Variants in PMM2 observed in about 807,000 individuals in gnomAD.
The protein encoded by PMM2 is mannose-6-phosphate isomerase.
Under a neutral mutation model 33.2 loss-of-function variants are expected in PMM2, and 35 were observed. The ratio of observed to expected loss-of-function variants is 1.06; its 90% CI spans 0.81 to 1.40. PMM2 has a LOEUF of 1.40. Ranked by LOEUF, PMM2 falls within the 40% of genes most tolerant of loss-of-function variation. The probability of loss-of-function intolerance (pLI) is 0.00; values close to 1 mark genes in which losing one functional copy is unlikely to be tolerated. For missense variants in PMM2, 386 were observed against 306.0 expected (o/e 1.26, Z -1.95); for synonymous variants, 153 against 114.7 (o/e 1.33, Z -2.13).
At chr16:8,806,694 A>G (rs1434755647) in intron 4 of PMM2, 4 of 469,182 alleles carry the variant, frequency 8.5e-6, no homozygotes, top group South Asian at 2.1e-5. Flanking sequence ...TTAGTAAGGA[A>G]TAATTGGAAA....
chr16:8,817,891 T>C (rs1408772264), intron 7 of PMM2, among the ~76,000 whole-genome samples: 1 of 144,984 alleles, frequency 6.9e-6, no homozygotes, highest in Non-Finnish European at 1.5e-5. Flanking sequence ...TTAGTGAATA[T>C]TCTTTGCAAA....
intron 7 of PMM2, among the ~76,000 whole-genome samples, chr16:8,835,637 T>C (rs2060840773): frequency 1.3e-5 from 2 of 152,166 alleles, no homozygotes; most frequent in Non-Finnish European, 2.9e-5. Context: ...TGAAGTAACC[T>C]GTAAGCCTTG....
chr16:8,813,817 C>T (rs1488406921), intron 7 of PMM2, among the ~76,000 whole-genome samples: 1 of 149,768 alleles, frequency 6.7e-6, no homozygotes, highest in Non-Finnish European at 1.5e-5. Flanking sequence ...CAAGAGGAGG[C>T]TCATCACCAC....
intron 7 of PMM2, among the ~76,000 whole-genome samples, chr16:8,826,455 A>C (rs899470851): frequency 2.0e-5 from 3 of 152,194 alleles, no homozygotes; most frequent in Admixed American, 1.3e-4. Flanking sequence ...TCTGGAATCT[A>C]ATGGCTCTAA....
intron 4 of PMM2, chr16:8,808,715 G>A (rs953502564): frequency 2.0e-5 from 3 of 151,968 alleles, no homozygotes; most frequent in Non-Finnish European, 2.9e-5. Context: ...GTCCTTGAGT[G>A]GGGGGGCATT....
chr16:8,812,737 G>T (rs1217603928), intron 6 of PMM2, among the ~76,000 whole-genome samples: 2 of 152,142 alleles, frequency 1.3e-5, no homozygotes, highest in African/African-American at 2.4e-5. Flanking sequence ...GCGCTTAAAC[G>T]CAAATGCATT....
intron 7 of PMM2, among the ~76,000 whole-genome samples, chr16:8,835,983 T>A (rs1028011161): frequency 3.4e-5 from 5 of 146,316 alleles, no homozygotes; most frequent in Non-Finnish European, 7.5e-5. Flanking sequence ...ATTTAAAGTG[T>A]CTCGGCCTAA....
At chr16:8,818,852 AG>A (rs543778847) in intron 7 of PMM2, among the ~76,000 whole-genome samples, 76 of 149,678 alleles carry the variant, frequency 5.1e-4, no homozygotes, top group African/African-American at 1.9e-3. Flanking sequence ...CCTGGCATGG[AG>A]TACCTTGGTT....
At chr16:8,804,628 C>G (rs2060636023) in intron 2 of PMM2, 139 bp from the exon 3 acceptor site, 1 of 693,220 alleles carries the variant, frequency 1.4e-6, no homozygotes, top group South Asian at 1.6e-5. Flanking sequence ...ATACTCTTCT[C>G]TTAGTCTGTA....
chr16:8,811,921 A>G (rs1369052888), intron 6 of PMM2, among the ~76,000 whole-genome samples: 1 of 152,228 alleles, frequency 6.6e-6, no homozygotes. Flanking sequence ...AACAGCTTAC[A>G]CGCTGTTGGG....
chr16:8,838,147 T>C (rs536985290), intron 7 of PMM2, among the ~76,000 whole-genome samples: 1,936 of 151,588 alleles, frequency 0.013, 57 homozygotes, highest in African/African-American at 0.043. Context: ...CAATGTTTTG[T>C]GGGCAGGAGT....
chr16:8,839,989 A>C (rs1260922235), intron 7 of PMM2, among the ~76,000 whole-genome samples: 1 of 151,482 alleles, frequency 6.6e-6, no homozygotes, highest in African/African-American at 2.4e-5. Context: ...TGAGTTCTTC[A>C]GGAGGGTAAA....
At chr16:8,840,905 G>A (rs140127248) in intron 7 of PMM2, among the ~76,000 whole-genome samples, 1 of 151,980 alleles carries the variant, frequency 6.6e-6, no homozygotes, top group African/African-American at 2.4e-5. Flanking sequence ...GCAGCCTGGC[G>A]AATTTCCTGT....
intron 7 of PMM2, among the ~76,000 whole-genome samples, chr16:8,814,595 T>G (rs2060695734): frequency 6.6e-6 from 1 of 152,180 alleles, no homozygotes; most frequent in African/African-American, 2.4e-5. Flanking sequence ...ATTTTCAGAA[T>G]GATAAAACTG....
At chr16:8,824,028 A>G (rs930839595) in intron 7 of PMM2, among the ~76,000 whole-genome samples, 1 of 152,268 alleles carries the variant, frequency 6.6e-6, no homozygotes, top group African/African-American at 2.4e-5. Flanking sequence ...TTATACTGCC[A>G]TAAGTTGAGA....
Position 8,844,258 on chromosome 16 carries a change from A to G in PMM2, c.640-3466A>G, listed in dbSNP as rs140472363. Among the ~76,000 whole-genome samples the G allele has an allele frequency of 1.6e-3, 240 of 152,176 alleles. 5 individuals carry two copies. In the East Asian group the frequency reaches 0.03, roughly 19 times the overall value. On this transcript the variant is annotated intron_variant, in intron 7 of 7. Coordinates refer to ENST00000268261, the MANE Select transcript of PMM2 (RefSeq NM_000303.3). ...TTGAGAACACAGGCTAAGGGAGAAGAAGGAGGAATGTAGGAAGGTTGCCCA... is the reference window on the plus strand; with the variant it reads ...TTGAGAACACAGGCTAAGGGAGAAGGAGGAGGAATGTAGGAAGGTTGCCCA...
intron 7 of PMM2, among the ~76,000 whole-genome samples, chr16:8,840,613 G>C (rs923418787): frequency 6.6e-6 from 1 of 151,994 alleles, no homozygotes; most frequent in Non-Finnish European, 1.5e-5. Flanking sequence ...ACTGTTCTTC[G>C]AAATACGACT....
At chr16:8,806,629 C>T (rs778793366) in intron 4 of PMM2, 97 of 584,328 alleles carry the variant, frequency 1.7e-4, no homozygotes, top group Non-Finnish European at 2.8e-4. Flanking sequence ...TGCTGGTTCA[C>T]AGCAGGGTTC....
intron 7 of PMM2, among the ~76,000 whole-genome samples, chr16:8,815,915 G>A (rs2060705553): frequency 6.6e-6 from 1 of 151,964 alleles, no homozygotes; most frequent in African/African-American, 2.4e-5. Context: ...CTGATAAAAG[G>A]GCTAGTATCC....
Sources: allele counts gnomAD v4.1 joint callset (sites outside exome capture counted in the v4.1 genomes callset), GRCh38; gene constraint gnomAD v4.1.1; transcripts MANE v1.5; gene names NCBI Gene and HGNC (gene_info 2026-07-23, HGNC 2026-07-21).